GPR39: variants seen among roughly 807,000 people sequenced by gnomAD.
The protein encoded by GPR39 is zinc sensing receptor.
Under a neutral mutation model 18.4 loss-of-function variants are expected in GPR39, and 23 were observed. The ratio of observed to expected loss-of-function variants is 1.25; its 90% CI spans 0.90 to 1.77. The LOEUF (loss-of-function observed/expected upper bound fraction) is 1.77, where lower values mean the gene tolerates loss of function less well. Among genes scored for constraint, GPR39 ranks in the 40% most tolerant of loss-of-function variants. The probability of loss-of-function intolerance (pLI) is 0.00; values close to 1 mark genes in which losing one functional copy is unlikely to be tolerated. For synonymous variants in GPR39, 280 were observed against 257.9 expected (o/e 1.09, Z -0.82); for missense variants, 647 against 602.4 (o/e 1.07, Z -0.78).
chr2:132,467,666 G>C lies in GPR39; in HGVS notation c.856+49768G>C, dbSNP rs183588246. Among the ~76,000 whole-genome samples the C allele has an allele frequency of 1.8e-3, 268 of 152,276 alleles. 1 individual carries two copies. Among genetic ancestry groups the C allele is most frequent in the Non-Finnish European group, 2.8e-3 (191 of 68,028 alleles). On this transcript the variant is annotated intron_variant, in intron 1 of 1. Coordinates refer to ENST00000329321, the MANE Select transcript of GPR39 (RefSeq NM_001508.3). ...TCCATAGTCAAGTTGGTGAGCTACAGTTACTGCTCATGAAACTTTAATGAA... is the reference window on the plus strand; with the variant it reads ...TCCATAGTCAAGTTGGTGAGCTACACTTACTGCTCATGAAACTTTAATGAA...
At chr2:132,570,588 T>G (rs1164016285) in intron 1 of GPR39, among the ~76,000 whole-genome samples, 1 of 152,154 alleles carries the variant, frequency 6.6e-6, no homozygotes, top group Non-Finnish European at 1.5e-5. Context: ...TCTCCTATCT[T>G]AAAAACAAGA....
chr2:132,538,519 C>T (rs1365194808), intron 1 of GPR39, among the ~76,000 whole-genome samples: 1 of 152,230 alleles, frequency 6.6e-6, no homozygotes, highest in Non-Finnish European at 1.5e-5. Context: ...AGTCAGGAGG[C>T]ATGGGGTCAG....
At chr2:132,627,111 C>T (rs903409928) in intron 1 of GPR39, among the ~76,000 whole-genome samples, 1 of 151,936 alleles carries the variant, frequency 6.6e-6, no homozygotes, top group Non-Finnish European at 1.5e-5. Context: ...AGCAGATGTC[C>T]TGAGGTTGCC....
intron 1 of GPR39, among the ~76,000 whole-genome samples, chr2:132,533,238 A>G (rs1679675524): frequency 6.6e-6 from 1 of 152,160 alleles, no homozygotes; most frequent in Non-Finnish European, 1.5e-5. Context: ...GTGAACTCCC[A>G]TTCACAATTG....
intron 1 of GPR39, among the ~76,000 whole-genome samples, chr2:132,502,932 T>C (rs919740181): frequency 8.5e-5 from 13 of 152,202 alleles, no homozygotes; most frequent in Admixed American, 6.5e-5. Flanking sequence ...TTGTTTTTTA[T>C]TTATGATCTC....
At chr2:132,625,072 ATT>A (rs113383110) in intron 1 of GPR39, among the ~76,000 whole-genome samples, 223 of 141,152 alleles carry the variant, frequency 1.6e-3, no homozygotes, top group African/African-American at 3.1e-3. Context: ...AGGTGCTCCA[ATT>A]TTTTTTTTTT....
chr2:132,597,365 C>G (rs1680966288), intron 1 of GPR39, among the ~76,000 whole-genome samples: 1 of 152,198 alleles, frequency 6.6e-6, no homozygotes, highest in South Asian at 2.1e-4. Context: ...CTCCCTGGCT[C>G]TGGATTTCAC....
intron 1 of GPR39, among the ~76,000 whole-genome samples, chr2:132,535,154 G>A (rs181387492): frequency 7.2e-5 from 11 of 152,092 alleles, no homozygotes; most frequent in African/African-American, 2.4e-4. Context: ...GTCTTGTGCT[G>A]GTTTTCAACC....
At chr2:132,582,934 T>C (rs77857016) in intron 1 of GPR39, among the ~76,000 whole-genome samples, 1 of 149,836 alleles carries the variant, frequency 6.7e-6, no homozygotes, top group African/African-American at 2.5e-5. Flanking sequence ...TTTTTTTTTT[T>C]TTTGGAGATA....
chr2:132,561,087 T>A (rs1290250539), intron 1 of GPR39, among the ~76,000 whole-genome samples: 1 of 147,284 alleles, frequency 6.8e-6, no homozygotes, highest in Non-Finnish European at 1.5e-5. Flanking sequence ...CTAAATTTTG[T>A]ATTTTTTTTT....
chr2:132,492,874 CATAT>C (rs1405008241), intron 1 of GPR39, among the ~76,000 whole-genome samples: 32 of 137,716 alleles, frequency 2.3e-4, no homozygotes, highest in Non-Finnish European at 4.5e-4. Flanking sequence ...ATATGTACAC[CATAT>C]ATATACACCA....
chr2:132,584,296 C>T (rs907893783), intron 1 of GPR39, among the ~76,000 whole-genome samples: 1 of 152,094 alleles, frequency 6.6e-6, no homozygotes, highest in African/African-American at 2.4e-5. Flanking sequence ...GCAGCATCCC[C>T]GAAAGGCCTG....
At chr2:132,607,412 G>T (rs1318043073) in intron 1 of GPR39, among the ~76,000 whole-genome samples, 1 of 152,180 alleles carries the variant, frequency 6.6e-6, no homozygotes, top group Admixed American at 6.5e-5. Context: ...GTTAGAGGGA[G>T]GAGAGTAGGT....
chr2:132,613,765 A>G (rs921089183), intron 1 of GPR39, among the ~76,000 whole-genome samples: 6 of 152,236 alleles, frequency 3.9e-5, no homozygotes, highest in Non-Finnish European at 7.3e-5. Flanking sequence ...CCTCATCAGT[A>G]TCAGTGTCTA....
intron 1 of GPR39, among the ~76,000 whole-genome samples, chr2:132,486,722 G>T (rs1042936660): frequency 6.6e-6 from 1 of 152,218 alleles, no homozygotes; most frequent in Non-Finnish European, 1.5e-5. Flanking sequence ...TAGGCTTTGG[G>T]TTAAGGGAAT....
chr2:132,645,312 G>C lies in GPR39; in HGVS notation c.1068G>C (p.Val356=). 1 of 1,614,208 alleles carries C rather than the reference G, an allele frequency of 6.2e-7. No homozygotes were observed. The highest frequency in any genetic ancestry group is 8.5e-7 in the Non-Finnish European group (1 of 1,180,040). The change falls in exon 2 of 2, where the codon GTG becomes GTC. Residue 356 remains valine (V), a synonymous_variant. Coordinates refer to ENST00000329321, the MANE Select transcript of GPR39 (RefSeq NM_001508.3). Reference sequence around the variant, plus strand: ...CGCAGCAGTTTCGGCGGGTGTTCGTGCAGGTGCTGTGCTGCCGCCTGTCGC... The same window carrying C: ...CGCAGCAGTTTCGGCGGGTGTTCGTCCAGGTGCTGTGCTGCCGCCTGTCGC... ...VSSQQFRRVF[V]QVLCCRLSLQ...
At chr2:132,492,699 TATAATATATATACAC>T in intron 1 of GPR39, among the ~76,000 whole-genome samples, 3 of 142,448 alleles carry the variant, frequency 2.1e-5, no homozygotes, top group African/African-American at 7.7e-5. Context: ...ACCATATATA[TATAATATATATACAC>T]ACCATATATA....
chr2:132,431,013 G>T (rs1179750176), intron 1 of GPR39, among the ~76,000 whole-genome samples: 1 of 152,140 alleles, frequency 6.6e-6, no homozygotes, highest in Non-Finnish European at 1.5e-5. Flanking sequence ...GAGGGGTGGG[G>T]AGGAGGGGTC....
At chr2:132,532,611 AC>A (rs1448125170) in intron 1 of GPR39, among the ~76,000 whole-genome samples, 1 of 152,208 alleles carries the variant, frequency 6.6e-6, no homozygotes, top group East Asian at 1.9e-4. Context: ...ATACTGGCAA[AC>A]CAAATCCAGC....
Sources: gnomAD v4.1 joint callset for allele counts (sites outside exome capture counted in the v4.1 genomes callset) on GRCh38, gnomAD v4.1.1 for gene constraint, MANE v1.5 for transcripts, NCBI Gene and HGNC (gene_info 2026-07-23, HGNC 2026-07-21) for gene names.